The following DTNA variants were observed in gnomAD, a reference collection of about 807,000 sequenced individuals.
DTNA encodes the protein dystrophin-related protein 3.
Under a neutral mutation model 100.7 loss-of-function variants are expected in DTNA, and 43 were observed. The observed-to-expected ratio is 0.43, with a 90% confidence interval of 0.33 to 0.55. The LOEUF is 0.55. Ranked by LOEUF, DTNA falls within the 20% of genes least tolerant of loss-of-function variation. DTNA has a pLI of 0.04. For synonymous variants in DTNA, 349 were observed against 347.9 expected (o/e 1.00, Z -0.04); for missense variants, 798 against 953.9 (o/e 0.84, Z 2.15).
chr18:34,516,369 G>A lies in DTNA; in HGVS notation c.-2+22855G>A, dbSNP rs149190966. Among the ~76,000 whole-genome samples the A allele has an allele frequency of 3.2e-3, 494 of 152,184 alleles. 5 individuals carry two copies. The highest frequency in any genetic ancestry group is 0.01 in the Middle Eastern group (3 of 294). ...CAGAGCAAGATCACAGGACCAGGGC[G>A]AAATTGGAATTGCTGATGAAGTTTC... is the stretch of plus-strand genomic sequence containing the variant. On this transcript the variant is annotated intron_variant, in intron 1 of 19. Transcript: ENST00000283365.
At chr18:34,835,177 A>C (rs1365007073) in intron 11 of DTNA, among the ~76,000 whole-genome samples, 2 of 152,222 alleles carry the variant, frequency 1.3e-5, no homozygotes, top group African/African-American at 4.8e-5. Context: ...AGCTCTAGAA[A>C]TTACAGAAAC....
At chr18:34,765,718 C>A (rs1417216080) in intron 2 of DTNA, among the ~76,000 whole-genome samples, 1 of 152,130 alleles carries the variant, frequency 6.6e-6, no homozygotes. Context: ...GTTTCTTGAT[C>A]CAAGAATATG....
upstream of DTNA, chr18:34,710,180 A>AG (rs1331293407): frequency 6.6e-6 from 1 of 152,096 alleles, no homozygotes; most frequent in Non-Finnish European, 1.5e-5. Flanking sequence ...GGGTGGGTGG[A>AG]GGGGAAAAAA....
At chr18:34,547,069 A>T (rs2044863343) in intron 1 of DTNA, among the ~76,000 whole-genome samples, 1 of 152,096 alleles carries the variant, frequency 6.6e-6, no homozygotes, top group South Asian at 2.1e-4. Flanking sequence ...ATATAGAAAG[A>T]ATAAGTGTAA....
chr18:34,789,239 A>G, intron 3 of DTNA, among the ~76,000 whole-genome samples: 1 of 152,104 alleles, frequency 6.6e-6, no homozygotes, highest in Non-Finnish European at 1.5e-5. Flanking sequence ...CAAAAATACC[A>G]CCATCCCTTA....
chr18:34,667,642 G>A (rs1295413336), intron 1 of DTNA, among the ~76,000 whole-genome samples: 1 of 152,138 alleles, frequency 6.6e-6, no homozygotes, highest in Non-Finnish European at 1.5e-5. Flanking sequence ...AAGGGCTGTT[G>A]AATTTTGTCA....
chr18:34,652,393 T>C (rs1387882898), intron 1 of DTNA, among the ~76,000 whole-genome samples: 1 of 152,142 alleles, frequency 6.6e-6, no homozygotes, highest in Non-Finnish European at 1.5e-5. Context: ...TTTGGCCCTA[T>C]CCACCCTTCC....
At chr18:34,866,552 AC>A in intron 17 of DTNA, 5 of 1,061,748 alleles carry the variant, frequency 4.7e-6, no homozygotes, top group Non-Finnish European at 5.7e-6. Context: ...TAACCTCTAC[AC>A]CCACTCACAC....
upstream of DTNA, among the ~76,000 whole-genome samples, chr18:34,707,573 T>A (rs1016885528): frequency 1.3e-5 from 2 of 152,072 alleles, no homozygotes; most frequent in African/African-American, 2.4e-5. Flanking sequence ...CTTAACTAGA[T>A]AAATGATAAG....
At chr18:34,826,332 G>A (rs936209949) in intron 9 of DTNA, among the ~76,000 whole-genome samples, 1 of 152,004 alleles carries the variant, frequency 6.6e-6, no homozygotes, top group Non-Finnish European at 1.5e-5. Context: ...CCCATCACTC[G>A]AGCAGTATAC....
intron 1 of DTNA, among the ~76,000 whole-genome samples, chr18:34,726,263 A>T (rs2086668995): frequency 6.6e-6 from 1 of 152,128 alleles, no homozygotes; most frequent in South Asian, 2.1e-4. Flanking sequence ...AAAAAAAATA[A>T]AAAGAAAGAT....
chr18:34,727,922 A>G (rs1171827971), intron 1 of DTNA, among the ~76,000 whole-genome samples: 5 of 152,192 alleles, frequency 3.3e-5, no homozygotes, highest in Non-Finnish European at 5.9e-5. Context: ...ATAAAATGCC[A>G]TCTACTATCT....
rs762173974 is a variant in DTNA, at chr18:34,794,064, T to C, written c.176T>C (p.Ile59Thr). 13 of 1,614,116 alleles carry C rather than the reference T, an allele frequency of 8.1e-6. No individual in the cohort carries two copies. Among genetic ancestry groups the C allele is most frequent in the Middle Eastern group, 1.7e-4 (1 of 6,060 alleles). The stretch of plus-strand genomic sequence containing the variant: ...CACCTGGTGGACATATGGAATGTCA[T>C]AGAAGCATTGCGGGAAAATGCTCTG... ...NLHLVDIWNV[I>T]EALRENALNN... Residue 59 changes from isoleucine to threonine, a missense_variant, in exon 4 of 23, where the codon ATA becomes ACA. By Grantham distance (89) the Ile-to-Thr change is moderately conservative (BLOSUM62 -1). Transcript: ENST00000444659.
rs961828064 is a variant in DTNA at position 34,890,571 on chromosome 18, C to G, written c.*2837C>G. On this transcript the variant is annotated 3_prime_UTR_variant, in exon 23 of 23. Coordinates refer to ENST00000444659, the MANE Select transcript of DTNA (RefSeq NM_001386795.1). Reference sequence around the variant, plus strand: ...AGAGCTGATAGCCTGTTAATAAGCACTGGTCTAACACAGCCAACCCTCCTC... The same window carrying G: ...AGAGCTGATAGCCTGTTAATAAGCAGTGGTCTAACACAGCCAACCCTCCTC... 9 of 1,388,926 alleles carry G rather than the reference C, an allele frequency of 6.5e-6. No individual in the cohort carries two copies. The East Asian group carries it at 2.2e-4, about 35-fold the overall frequency. The allele number at this position is 1,388,926 out of a possible 1,614,324, so 86.0% of individuals were successfully genotyped here. A position where few individuals can be genotyped will look rare whatever the true frequency, so the allele number is the denominator to read the frequency against.
chr18:34,795,220 C>G (rs931992920), intron 4 of DTNA, among the ~76,000 whole-genome samples: 1 of 152,192 alleles, frequency 6.6e-6, no homozygotes, highest in African/African-American at 2.4e-5. Context: ...GTATTTACCC[C>G]CGCAGTGGAG....
intron 16 of DTNA, among the ~76,000 whole-genome samples, chr18:34,860,229 T>G (rs867297440): frequency 9.1e-5 from 12 of 132,244 alleles, no homozygotes; most frequent in Admixed American, 6.6e-4. Context: ...TGTTTTTTTT[T>G]TTTTTTTTTT....
At chr18:34,779,123 A>T (rs942624073) in intron 3 of DTNA, among the ~76,000 whole-genome samples, 2 of 152,208 alleles carry the variant, frequency 1.3e-5, no homozygotes, top group Non-Finnish European at 2.9e-5. Flanking sequence ...AACAAAACAG[A>T]AAAAAACATT....
At chr18:34,552,842 G>A (rs1455573262) in intron 1 of DTNA, among the ~76,000 whole-genome samples, 7 of 145,104 alleles carry the variant, frequency 4.8e-5, no homozygotes, top group Non-Finnish European at 7.5e-5. Flanking sequence ...AAACATACGT[G>A]TGCATGTGTC....
At chr18:34,740,348 T>C (rs1041495575) in intron 1 of DTNA, among the ~76,000 whole-genome samples, 3 of 152,174 alleles carry the variant, frequency 2.0e-5, no homozygotes, top group Non-Finnish European at 4.4e-5. Context: ...AAAAAGGCTT[T>C]GTTAAAAAGG....
Sources: allele counts gnomAD v4.1 joint callset (sites outside exome capture counted in the v4.1 genomes callset), GRCh38; gene constraint gnomAD v4.1.1; transcripts MANE v1.5; gene names NCBI Gene and HGNC (gene_info 2026-07-23, HGNC 2026-07-21).